Variants in GALNTL6 observed in about 807,000 individuals in gnomAD.
GALNTL6 encodes polypeptide N-acetylgalactosaminyltransferase like 6, also known as polypeptide N-acetylgalactosaminyltransferase-like 6.
GALNTL6 carries 46 observed loss-of-function variants against 73.7 expected under a neutral mutation model. The ratio of observed to expected loss-of-function variants is 0.62; its 90% confidence interval spans 0.49 to 0.80. GALNTL6 has a LOEUF of 0.80. Among genes scored for constraint, GALNTL6 ranks in the 30% least tolerant of loss-of-function variants. The pLI, the probability that GALNTL6 is intolerant of heterozygous loss-of-function variation, is 0.00. For missense variants in GALNTL6, 604 were observed against 755.0 expected (o/e 0.80, Z 2.34); for synonymous variants, 259 against 263.7 (o/e 0.98, Z 0.17).
intron 10 of GALNTL6, among the ~76,000 whole-genome samples, chr4:172,959,067 G>C (rs1408041141): frequency 6.6e-6 from 1 of 152,218 alleles, no homozygotes; most frequent in Non-Finnish European, 1.5e-5. Flanking sequence ...TAGCAGGCGA[G>C]TGATAACAGG....
intron 5 of GALNTL6, among the ~76,000 whole-genome samples, chr4:172,710,841 T>C (rs568167515): frequency 6.6e-6 from 1 of 152,062 alleles, no homozygotes; most frequent in African/African-American, 2.4e-5. Context: ...AAAAACAAGG[T>C]AAAAGCCCAT....
chr4:172,310,449 T>C (rs1009161972), intron 3 of GALNTL6, among the ~76,000 whole-genome samples: 3 of 152,070 alleles, frequency 2.0e-5, no homozygotes, highest in Non-Finnish European at 4.4e-5. Flanking sequence ...TTTTGTATTT[T>C]TAGTAGAGAC....
intron 2 of GALNTL6, among the ~76,000 whole-genome samples, chr4:172,157,021 C>T (rs1440268638): frequency 1.3e-5 from 2 of 151,914 alleles, no homozygotes; most frequent in Admixed American, 1.3e-4. Flanking sequence ...GTGTTCAAAA[C>T]ACTTTTAATT....
At chr4:172,085,328 T>A (rs930655577) in intron 2 of GALNTL6, among the ~76,000 whole-genome samples, 7 of 152,122 alleles carry the variant, frequency 4.6e-5, no homozygotes, top group Non-Finnish European at 1.0e-4. Context: ...CACCACAACA[T>A]TCTGGAGCAA....
At chr4:171,869,141 C>G (rs1431561622) in intron 2 of GALNTL6, among the ~76,000 whole-genome samples, 1 of 152,148 alleles carries the variant, frequency 6.6e-6, no homozygotes, top group Non-Finnish European at 1.5e-5. Flanking sequence ...AGACTTCAAG[C>G]TATGGGGTCA....
chr4:172,417,087 A>G (rs1030198691), intron 5 of GALNTL6, among the ~76,000 whole-genome samples: 1 of 152,230 alleles, frequency 6.6e-6, no homozygotes, highest in Non-Finnish European at 1.5e-5. Flanking sequence ...TTGGCTTTAT[A>G]GATGAAGTAT....
intron 2 of GALNTL6, among the ~76,000 whole-genome samples, chr4:172,071,127 A>AT (rs1731523242): frequency 9.1e-6 from 1 of 109,574 alleles, no homozygotes; most frequent in South Asian, 2.7e-4. Context: ...GTAAAAAAAA[A>AT]GATCCAAATG....
At chr4:172,888,121 C>T (rs1051642543) in intron 8 of GALNTL6, among the ~76,000 whole-genome samples, 2 of 152,162 alleles carry the variant, frequency 1.3e-5, no homozygotes, top group African/African-American at 4.8e-5. Context: ...CAAATATTTT[C>T]TCCCATTCTG....
intron 2 of GALNTL6, among the ~76,000 whole-genome samples, chr4:172,179,949 G>C (rs192772292): frequency 1.8e-3 from 268 of 152,242 alleles, no homozygotes; most frequent in African/African-American, 5.9e-3. Context: ...ATAATCCTTT[G>C]TGTATACATC....
chr4:172,370,788 G>C (rs890143819), intron 5 of GALNTL6, among the ~76,000 whole-genome samples: 3 of 152,086 alleles, frequency 2.0e-5, no homozygotes, highest in Admixed American at 6.6e-5. Flanking sequence ...TTCTCAGCAG[G>C]GGGGAGGTCT....
At chr4:172,922,820 G>A (rs1226284331) in intron 8 of GALNTL6, among the ~76,000 whole-genome samples, 1 of 152,218 alleles carries the variant, frequency 6.6e-6, no homozygotes, top group Non-Finnish European at 1.5e-5. Flanking sequence ...TTATAGTCTG[G>A]TGAGGGGAGG....
At chr4:171,821,128 T>C (rs998404960) in intron 2 of GALNTL6, among the ~76,000 whole-genome samples, 2 of 152,074 alleles carry the variant, frequency 1.3e-5, no homozygotes, top group East Asian at 3.9e-4. Context: ...CTCAGTCTCC[T>C]GGGCTCAAGC....
intron 5 of GALNTL6, among the ~76,000 whole-genome samples, chr4:172,562,547 A>T (rs1443879830): frequency 6.6e-6 from 1 of 152,162 alleles, no homozygotes; most frequent in Non-Finnish European, 1.5e-5. Context: ...GTTGTCCCTC[A>T]AAAAATCAGA....
At chr4:172,198,608 C>A (rs998988035) in intron 2 of GALNTL6, among the ~76,000 whole-genome samples, 1 of 152,116 alleles carries the variant, frequency 6.6e-6, no homozygotes, top group African/African-American at 2.4e-5. Flanking sequence ...ACAACCTAAA[C>A]ATATACTTTA....
intron 9 of GALNTL6, among the ~76,000 whole-genome samples, chr4:172,949,680 C>A (rs557356033): frequency 6.6e-6 from 1 of 151,794 alleles, no homozygotes; most frequent in Non-Finnish European, 1.5e-5. Context: ...GAGGCCAACG[C>A]GGGTGGATCA....
intron 5 of GALNTL6, among the ~76,000 whole-genome samples, chr4:172,561,116 G>GC (rs1278186316): frequency 6.6e-6 from 1 of 151,434 alleles, no homozygotes; most frequent in Non-Finnish European, 1.5e-5. Flanking sequence ...AGCCGGGCGC[G>GC]GTGGCGGGCG....
intron 5 of GALNTL6, among the ~76,000 whole-genome samples, chr4:172,547,091 A>G (rs1419053677): frequency 2.0e-5 from 3 of 151,926 alleles, no homozygotes; most frequent in East Asian, 3.9e-4. Flanking sequence ...ATTATAGGAA[A>G]GTCATCTGTC....
intron 4 of GALNTL6, among the ~76,000 whole-genome samples, chr4:172,321,154 G>GA (rs1740744574): frequency 6.6e-6 from 1 of 152,058 alleles, no homozygotes; most frequent in Non-Finnish European, 1.5e-5. Flanking sequence ...GTATGTGCTG[G>GA]AAAATAATAA....
At chr4:172,451,012 G>C (rs1455870836) in intron 5 of GALNTL6, among the ~76,000 whole-genome samples, 4 of 152,150 alleles carry the variant, frequency 2.6e-5, no homozygotes, top group Non-Finnish European at 5.9e-5. Flanking sequence ...CAGGGAATCT[G>C]TTCACCACAG....
Sources: gnomAD v4.1 joint callset for allele counts (sites outside exome capture counted in the v4.1 genomes callset) on GRCh38, gnomAD v4.1.1 for gene constraint, MANE v1.5 for transcripts, NCBI Gene and HGNC (gene_info 2026-07-23, HGNC 2026-07-21) for gene names.